Variants in GPR158 observed in about 807,000 individuals in gnomAD.
GPR158 encodes G protein-coupled receptor 158.
Under a neutral mutation model 78.2 loss-of-function variants are expected in GPR158, and 30 were observed. The observed-to-expected ratio is 0.38, with a 90% confidence interval of 0.29 to 0.52. The LOEUF (loss-of-function observed/expected upper bound fraction) is 0.52. Among genes scored for constraint, GPR158 ranks in the 20% least tolerant of loss-of-function variants. The pLI, the probability that GPR158 is intolerant of heterozygous loss-of-function variation, is 0.83. For missense variants in GPR158, 1,463 were observed against 1,523.5 expected, an observed-to-expected ratio of 0.96 and a Z score of 0.66; for synonymous variants, 581 against 591.1, an observed-to-expected ratio of 0.98 and a Z score of 0.25.
At chr10:25,540,824 A>G (rs1390253600) in intron 5 of GPR158, among the ~76,000 whole-genome samples, 2 of 151,750 alleles carry the variant, frequency 1.3e-5, no homozygotes, top group African/African-American at 4.8e-5. Context: ...GATAGCATTA[A>G]GAGATATACC....
chr10:25,432,972 A>G (rs1418935360), intron 4 of GPR158, among the ~76,000 whole-genome samples: 1 of 152,242 alleles, frequency 6.6e-6, no homozygotes, highest in Non-Finnish European at 1.5e-5. Flanking sequence ...AGTATAATGT[A>G]TCATGTATAG....
At chr10:25,239,187 T>C (rs1853570488) in intron 2 of GPR158, among the ~76,000 whole-genome samples, 1 of 152,148 alleles carries the variant, frequency 6.6e-6, no homozygotes, top group Admixed American at 6.5e-5. Context: ...TTTTGACTTG[T>C]CTTTAAATTG....
intron 2 of GPR158, among the ~76,000 whole-genome samples, chr10:25,370,785 G>A (rs12255080): frequency 0.64 from 93,363 of 146,202 alleles, 30,846 homozygotes; most frequent in Non-Finnish European, 0.73. Context: ...GTCTCCCATT[G>A]TTATTGTGTG....
intron 5 of GPR158, among the ~76,000 whole-genome samples, chr10:25,512,040 T>C (rs1389187741): frequency 6.6e-6 from 1 of 152,048 alleles, no homozygotes; most frequent in Non-Finnish European, 1.5e-5. Flanking sequence ...TCCATATGAA[T>C]TTTAGGATTG....
intron 5 of GPR158, among the ~76,000 whole-genome samples, chr10:25,511,661 A>G (rs968848151): frequency 6.6e-6 from 1 of 152,020 alleles, no homozygotes; most frequent in Non-Finnish European, 1.5e-5. Context: ...TAGAATTTTT[A>G]TGGTTTCAGG....
At chr10:25,585,554 G>A (rs1266998795) in intron 7 of GPR158, among the ~76,000 whole-genome samples, 1 of 152,220 alleles carries the variant, frequency 6.6e-6, no homozygotes, top group Non-Finnish European at 1.5e-5. Flanking sequence ...ATTTCAGGAG[G>A]CTTTGTGATA....
intron 4 of GPR158, among the ~76,000 whole-genome samples, chr10:25,428,092 G>A (rs149537792): frequency 4.8e-4 from 73 of 152,172 alleles, no homozygotes; most frequent in African/African-American, 1.6e-3. Context: ...CTGACAGGAT[G>A]TATTTGATGA....
chr10:25,340,681 G>C (rs1855290103), intron 2 of GPR158, among the ~76,000 whole-genome samples: 1 of 151,960 alleles, frequency 6.6e-6, no homozygotes, highest in African/African-American at 2.4e-5. Flanking sequence ...TTACTAGGAA[G>C]TTTAGAGAAA....
intron 2 of GPR158, among the ~76,000 whole-genome samples, chr10:25,258,904 A>G (rs973592805): frequency 6.6e-6 from 1 of 152,236 alleles, no homozygotes; most frequent in Non-Finnish European, 1.5e-5. Flanking sequence ...TGTTCTATGT[A>G]TTATATACCG....
intron 2 of GPR158, among the ~76,000 whole-genome samples, chr10:25,332,930 A>G (rs1014147672): frequency 6.6e-6 from 1 of 152,180 alleles, no homozygotes; most frequent in Non-Finnish European, 1.5e-5. Context: ...GATGTCTTAG[A>G]GCAGCAGGAG....
At chr10:25,485,903 A>T (rs1196296533) in intron 5 of GPR158, among the ~76,000 whole-genome samples, 2 of 152,070 alleles carry the variant, frequency 1.3e-5, no homozygotes. Flanking sequence ...AAGCCTTTGG[A>T]GGTGATTAAG....
At chr10:25,520,809 T>A (rs1454486556) in intron 5 of GPR158, among the ~76,000 whole-genome samples, 1 of 152,232 alleles carries the variant, frequency 6.6e-6, no homozygotes, top group East Asian at 1.9e-4. Flanking sequence ...AGGTTACTGC[T>A]GTCTTTTTGT....
At chr10:25,287,878 G>A (rs1854375609) in intron 2 of GPR158, among the ~76,000 whole-genome samples, 1 of 151,952 alleles carries the variant, frequency 6.6e-6, no homozygotes, top group Admixed American at 6.6e-5. Context: ...AGTAGAAGCT[G>A]GCAGTACCAA....
intron 5 of GPR158, chr10:25,476,013 TGGAAA>T (rs1369904480): frequency 1.3e-5 from 2 of 152,172 alleles, no homozygotes. Flanking sequence ...ATGCTTATAT[TGGAAA>T]GTCCAAATTA....
chr10:25,211,147 A>T (rs953088189), intron 1 of GPR158, among the ~76,000 whole-genome samples: 1 of 152,068 alleles, frequency 6.6e-6, no homozygotes, highest in African/African-American at 2.4e-5. Flanking sequence ...AAAGAAAAAA[A>T]AAAAAACAGA....
At chr10:25,384,937 G>A (rs1159877265) in intron 2 of GPR158, among the ~76,000 whole-genome samples, 1 of 152,024 alleles carries the variant, frequency 6.6e-6, no homozygotes, top group Non-Finnish European at 1.5e-5. Flanking sequence ...AGATCATTTT[G>A]CTCTAAAATA....
rs191548208 is a variant in GPR158 at position 25,428,581 on chromosome 10, C to T, written c.1335+16108C>T. 2.3e-4 allele frequency among the ~76,000 whole-genome samples: 35 copies of T among 151,976 alleles called. 1 individual carries two copies. Among genetic ancestry groups the T allele is most frequent in the African/African-American group, 8.2e-4 (34 of 41,488 alleles). On this transcript the variant is annotated intron_variant, in intron 4 of 10. Coordinates refer to ENST00000376351, the MANE Select transcript of GPR158 (RefSeq NM_020752.3). ...GCAGTTCAGGGGAATATGGAATCCA[C>T]AAATAGGAATCATATTATACTAGCT...
chr10:25,371,283 G>T (rs974576400), intron 2 of GPR158, among the ~76,000 whole-genome samples: 1 of 151,752 alleles, frequency 6.6e-6, no homozygotes, highest in Non-Finnish European at 1.5e-5. Flanking sequence ...TTACATGTTG[G>T]AATGATTTTG....
intron 2 of GPR158, among the ~76,000 whole-genome samples, chr10:25,255,518 G>C (rs2130727829): frequency 6.6e-6 from 1 of 152,346 alleles, no homozygotes; most frequent in East Asian, 1.9e-4. Flanking sequence ...GGAGCTTGGA[G>C]TCCCCTTCCA....
Sources: allele counts gnomAD v4.1 joint callset (sites outside exome capture counted in the v4.1 genomes callset), GRCh38; gene constraint gnomAD v4.1.1; transcripts MANE v1.5; gene names NCBI Gene and HGNC (gene_info 2026-07-23, HGNC 2026-07-21).